Variants in TANGO6 observed in about 807,000 individuals in gnomAD.
TANGO6 encodes transport and Golgi organization protein 6 homolog.
In TANGO6, 90 loss-of-function variants were observed where a neutral mutation model predicts 114.2. The observed-to-expected ratio is 0.79, with a 90% CI of 0.66 to 0.94. The LOEUF (loss-of-function observed/expected upper bound fraction) is 0.94, where lower values mean the gene tolerates loss of function less well. Ranked by LOEUF, TANGO6 falls within the 40% of genes least tolerant of loss-of-function variation. TANGO6 has a pLI of 0.00. For synonymous variants in TANGO6, 477 were observed against 509.8 expected, an observed-to-expected ratio of 0.94 and a Z score of 0.87; for missense variants, 1,274 against 1,315.3, an observed-to-expected ratio of 0.97 and a Z score of 0.49.
At chr16:68,907,304 T>C (rs1962865615) in intron 9 of TANGO6, 139 bp from the exon 10 acceptor site, 1 of 1,004,190 alleles carries the variant, frequency 1.0e-6, no homozygotes, top group Admixed American at 3.3e-5. Flanking sequence ...AACAATAAAA[T>C]AAGTTAAATA....
chr16:68,878,054 G>A (rs1490573712), intron 5 of TANGO6, 64 bp from the exon 6 acceptor site: 2 of 1,378,588 alleles, frequency 1.5e-6, no homozygotes, highest in South Asian at 1.5e-5. Flanking sequence ...CATGCTTTTT[G>A]TTTTTAGTTA....
chr16:68,936,069 A>T (rs150805968), intron 14 of TANGO6, among the ~76,000 whole-genome samples: 1 of 152,242 alleles, frequency 6.6e-6, no homozygotes, highest in Non-Finnish European at 1.5e-5. Context: ...CTGTAGTCCC[A>T]ACTATTTAGG....
chr16:68,943,271 A>ATTTTTTTTTT (rs1963374288), intron 14 of TANGO6, among the ~76,000 whole-genome samples: 1 of 117,942 alleles, frequency 8.5e-6, no homozygotes, highest in Non-Finnish European at 1.8e-5. Flanking sequence ...ATTTTATTTT[A>ATTTTTTTTTT]TTATTTTTAT....
chr16:68,943,172 A>T (rs966624121), intron 14 of TANGO6, among the ~76,000 whole-genome samples: 19 of 151,658 alleles, frequency 1.3e-4, no homozygotes, highest in Non-Finnish European at 1.5e-5. Context: ...AAGGGCTGGG[A>T]TTACAGGTGT....
chr16:68,940,115 C>A (rs1782824629), intron 14 of TANGO6, among the ~76,000 whole-genome samples: 1 of 146,834 alleles, frequency 6.8e-6, no homozygotes, highest in South Asian at 2.2e-4. Context: ...TCTTTTCCTT[C>A]TTTCTTTTCT....
chr16:68,946,540 T>G (rs142855511), intron 14 of TANGO6, among the ~76,000 whole-genome samples: 1 of 152,014 alleles, frequency 6.6e-6, no homozygotes, highest in Non-Finnish European at 1.5e-5. Context: ...CAAGTTGGTG[T>G]GTAGTGGTGC....
intron 7 of TANGO6, among the ~76,000 whole-genome samples, chr16:68,900,077 G>A (rs549472557): frequency 3.5e-4 from 54 of 152,250 alleles, no homozygotes; most frequent in Middle Eastern, 6.8e-3. Flanking sequence ...TAATAGCAGG[G>A]CCTTCAGCAG....
intron 17 of TANGO6, among the ~76,000 whole-genome samples, chr16:69,078,603 G>A (rs562893663): frequency 1.3e-5 from 2 of 152,068 alleles, no homozygotes; most frequent in East Asian, 1.9e-4. Flanking sequence ...CTGTCTTTAC[G>A]TGACTATCTT....
At chr16:68,855,224 A>G (rs1279588514) in intron 1 of TANGO6, among the ~76,000 whole-genome samples, 1 of 151,842 alleles carries the variant, frequency 6.6e-6, no homozygotes, top group African/African-American at 2.4e-5. Context: ...AATAAAACAT[A>G]AAAAATTTCT....
intron 16 of TANGO6, 56 bp downstream of exon 16, chr16:69,023,035 A>G (rs1349965333): frequency 1.4e-6 from 2 of 1,471,082 alleles, no homozygotes; most frequent in Non-Finnish European, 1.8e-6. Flanking sequence ...CCTACGATGC[A>G]TCTTGAGATT....
At chr16:69,057,232 C>A (rs1016006086) in intron 17 of TANGO6, among the ~76,000 whole-genome samples, 1 of 152,026 alleles carries the variant, frequency 6.6e-6, no homozygotes, top group Admixed American at 6.6e-5. Context: ...AAAATACTCT[C>A]TCAGTTTATA....
chr16:68,927,866 T>A lies in TANGO6; in HGVS notation c.2426T>A (p.Leu809Gln). The change falls in exon 13 of 18, where the codon CTG becomes CAG. Residue 809 changes from leucine (L) to glutamine (Q), a missense_variant. Physicochemically the swap from Leu to Gln is moderately radical, Grantham distance 113 (BLOSUM62 -2). Around this residue, in one of 5 missense-constraint regions of TANGO6, gnomAD observed 908 missense variants for 910.2 expected, o/e 1.00. Transcript: ENST00000261778. The stretch of plus-strand genomic sequence containing the variant: ...CATGAGACAGCCCCCCAGACAGGCC[T>A]GCAGTCAAATGCTCCAATCATTCCT... ...QSHETAPQTG[L>Q]QSNAPIIPQG... The A allele has an allele frequency of 6.2e-7, 1 of 1,613,974 alleles. No individual in the cohort carries two copies. Among genetic ancestry groups the A allele is most frequent in the South Asian group, 1.1e-5 (1 of 91,076 alleles).
chr16:68,950,050 G>A (rs1246270177), intron 14 of TANGO6, among the ~76,000 whole-genome samples: 1 of 152,144 alleles, frequency 6.6e-6, no homozygotes, highest in Non-Finnish European at 1.5e-5. Flanking sequence ...AAGGCCATGT[G>A]TTGTATGATT....
At chr16:68,865,841 C>T (rs1962168596) in intron 3 of TANGO6, among the ~76,000 whole-genome samples, 3 of 151,904 alleles carry the variant, frequency 2.0e-5, no homozygotes, top group Admixed American at 2.0e-4. Context: ...TGGCGTGAAC[C>T]CAGGAGGCGG....
intron 2 of TANGO6, 52 bp downstream of exon 2, chr16:68,860,576 G>T (rs1962078788): frequency 6.3e-7 from 1 of 1,579,402 alleles, no homozygotes; most frequent in Admixed American, 1.7e-5. Context: ...GTATGAATGT[G>T]TGTATATATT....
intron 7 of TANGO6, among the ~76,000 whole-genome samples, chr16:68,898,634 T>C (rs1962740475): frequency 1.3e-5 from 2 of 152,050 alleles, no homozygotes; most frequent in Non-Finnish European, 2.9e-5. Context: ...GCCATCACAC[T>C]GGGCCGCTTT....
chr16:68,995,295 C>G (rs1963981338), intron 15 of TANGO6, among the ~76,000 whole-genome samples: 1 of 152,150 alleles, frequency 6.6e-6, no homozygotes. Context: ...AAGAAAGCAG[C>G]AGATCAACAA....
At chr16:68,894,628 G>T (rs1463460473) in intron 7 of TANGO6, among the ~76,000 whole-genome samples, 1 of 151,988 alleles carries the variant, frequency 6.6e-6, no homozygotes, top group Non-Finnish European at 1.5e-5. Flanking sequence ...ATTGGTATAG[G>T]CTAGGAACTG....
chr16:69,062,079 A>G (rs984956615), intron 17 of TANGO6, among the ~76,000 whole-genome samples: 3 of 152,234 alleles, frequency 2.0e-5, no homozygotes, highest in African/African-American at 7.2e-5. Flanking sequence ...CTTCAGACTC[A>G]TACTTCACAT....
Sources: gnomAD v4.1 joint callset for allele counts (sites outside exome capture counted in the v4.1 genomes callset) on GRCh38, gnomAD v4.1.1 for gene constraint, gnomAD v4.1.1 regional missense constraint, MANE v1.5 for transcripts, NCBI Gene and HGNC (gene_info 2026-07-23, HGNC 2026-07-21) for gene names.